Variants in ADK observed in about 807,000 individuals in gnomAD.
ADK encodes adenosine kinase, also known as N6,N6-dimethyladenosine kinase.
Under a neutral mutation model 44.7 loss-of-function variants are expected in ADK, and 24 were observed. The ratio of observed to expected loss-of-function variants is 0.54; its 90% CI spans 0.39 to 0.76. The LOEUF (loss-of-function observed/expected upper bound fraction) is 0.76, where lower values mean the gene tolerates loss of function less well. Ranked by LOEUF, ADK falls within the 30% of genes least tolerant of loss-of-function variation. The pLI is 0.00. For missense variants in ADK, 321 were observed against 425.1 expected (o/e 0.76, Z 2.15); for synonymous variants, 128 against 142.6 (o/e 0.90, Z 0.73).
At chr10:74,259,456 C>CTTTTTT (rs66533506) in intron 3 of ADK, among the ~76,000 whole-genome samples, 1 of 106,222 alleles carries the variant, frequency 9.4e-6, no homozygotes, top group African/African-American at 3.6e-5. Context: ...TTTTCTTTTC[C>CTTTTTT]TTTTTTTTTT....
At chr10:74,457,740 C>G (rs980573496) in intron 6 of ADK, among the ~76,000 whole-genome samples, 6 of 152,144 alleles carry the variant, frequency 3.9e-5, no homozygotes, top group Admixed American at 2.6e-4. Flanking sequence ...ATCTGGAAAC[C>G]ATCATTCTCA....
intron 6 of ADK, among the ~76,000 whole-genome samples, chr10:74,443,894 G>C (rs1442410988): frequency 6.6e-6 from 1 of 152,002 alleles, no homozygotes; most frequent in Non-Finnish European, 1.5e-5. Flanking sequence ...TGTTATTATT[G>C]CTATTTTATT....
At chr10:74,224,977 G>A (rs765678405) in intron 3 of ADK, among the ~76,000 whole-genome samples, 1 of 152,106 alleles carries the variant, frequency 6.6e-6, no homozygotes, top group Non-Finnish European at 1.5e-5. Flanking sequence ...GTCTTACTCC[G>A]GTGGATCACC....
chr10:74,223,933 A>G (rs2132242123), intron 2 of ADK, among the ~76,000 whole-genome samples: 1 of 152,274 alleles, frequency 6.6e-6, no homozygotes, highest in Middle Eastern at 3.4e-3. Context: ...TACTAAAAAT[A>G]CAAAAATTAG....
chr10:74,688,701 G>A (rs969474530), intron 10 of ADK, among the ~76,000 whole-genome samples: 7 of 152,180 alleles, frequency 4.6e-5, no homozygotes, highest in Middle Eastern at 3.4e-3. Flanking sequence ...AATAAACTGA[G>A]CCCAGGAGTT....
intron 6 of ADK, among the ~76,000 whole-genome samples, chr10:74,482,398 C>T (rs1847105890): frequency 6.6e-6 from 1 of 152,200 alleles, no homozygotes; most frequent in African/African-American, 2.4e-5. Context: ...TCATCTCCCA[C>T]CAGGCCTCTC....
intron 1 of ADK, among the ~76,000 whole-genome samples, chr10:74,168,624 C>CT (rs1431029800): frequency 1.3e-5 from 2 of 150,362 alleles, no homozygotes. Context: ...TAAGGAAAAT[C>CT]TTTTTTTAGA....
chr10:74,464,843 A>AAGAGAGAGAAAAAG (rs1554862943), intron 6 of ADK, among the ~76,000 whole-genome samples: 1 of 151,682 alleles, frequency 6.6e-6, no homozygotes, highest in Admixed American at 6.6e-5. Flanking sequence ...TTAAGAAAAA[A>AAGAGAGAGAAAAAG]AGAGAGAGAG....
intron 7 of ADK, among the ~76,000 whole-genome samples, chr10:74,555,228 C>G (rs1224778678): frequency 6.6e-6 from 1 of 152,196 alleles, no homozygotes; most frequent in Non-Finnish European, 1.5e-5. Flanking sequence ...CCACTGTGCT[C>G]CCACTTGAGC....
At chr10:74,280,238 G>T (rs754834655) in intron 3 of ADK, among the ~76,000 whole-genome samples, 1 of 151,958 alleles carries the variant, frequency 6.6e-6, no homozygotes, top group African/African-American at 2.4e-5. Context: ...AAGTAGCTGG[G>T]ACTACAGGCA....
At chr10:74,348,496 G>A (rs1841852375) in intron 4 of ADK, among the ~76,000 whole-genome samples, 2 of 152,098 alleles carry the variant, frequency 1.3e-5, no homozygotes, top group East Asian at 1.9e-4. Context: ...GCGCAAAAAC[G>A]GTGAAAATTC....
chr10:74,489,503 GA>G (rs1009795608), intron 6 of ADK, among the ~76,000 whole-genome samples: 1 of 151,712 alleles, frequency 6.6e-6, no homozygotes, highest in Non-Finnish European at 1.5e-5. Context: ...GTACATATGT[GA>G]AAAAAAGTCT....
chr10:74,480,041 G>T (rs192744134), intron 6 of ADK, among the ~76,000 whole-genome samples: 2 of 151,972 alleles, frequency 1.3e-5, no homozygotes, highest in African/African-American at 4.8e-5. Context: ...CAGGAAAGGC[G>T]TATGTGTACA....
At chr10:74,518,444 C>T (rs931811446) in intron 6 of ADK, among the ~76,000 whole-genome samples, 8 of 152,084 alleles carry the variant, frequency 5.3e-5, no homozygotes, top group African/African-American at 1.4e-4. Context: ...CTTTTTGAGC[C>T]TTCTGTCTAC....
intron 3 of ADK, among the ~76,000 whole-genome samples, chr10:74,255,090 A>G (rs946584695): frequency 6.6e-6 from 1 of 152,142 alleles, no homozygotes. Context: ...GGACAGCTTT[A>G]TTTTTCTATA....
intron 6 of ADK, among the ~76,000 whole-genome samples, chr10:74,492,908 G>A (rs1230494594): frequency 6.6e-6 from 1 of 151,904 alleles, no homozygotes; most frequent in African/African-American, 2.4e-5. Context: ...TTTTGTAATG[G>A]ATCTCTTGTG....
intron 3 of ADK, among the ~76,000 whole-genome samples, chr10:74,250,173 A>T (rs1405322491): frequency 1.3e-5 from 2 of 152,202 alleles, no homozygotes; most frequent in African/African-American, 4.8e-5. Context: ...GGCAGTAACT[A>T]GCTATTATAT....
At chr10:74,468,220 A>G (rs1370131309) in intron 6 of ADK, among the ~76,000 whole-genome samples, 7 of 152,226 alleles carry the variant, frequency 4.6e-5, no homozygotes, top group African/African-American at 1.7e-4. Flanking sequence ...TCGTAAAGAC[A>G]AAGGCTATGC....
intron 4 of ADK, among the ~76,000 whole-genome samples, chr10:74,387,976 C>T (rs572053352): frequency 3.3e-5 from 5 of 152,066 alleles, no homozygotes; most frequent in East Asian, 1.9e-4. Flanking sequence ...GGCGCAATCT[C>T]GGCCCACTGC....
Sources: allele counts gnomAD v4.1 joint callset (sites outside exome capture counted in the v4.1 genomes callset), GRCh38; gene constraint gnomAD v4.1.1; transcripts MANE v1.5; gene names NCBI Gene and HGNC (gene_info 2026-07-23, HGNC 2026-07-21).